FAM227B: variants seen among roughly 807,000 people sequenced by gnomAD.
The protein encoded by FAM227B is protein FAM227B.
Under a neutral mutation model 73.8 loss-of-function variants are expected in FAM227B, and 88 were observed. The ratio of observed to expected loss-of-function variants is 1.19; its 90% confidence interval spans 1.00 to 1.42. The LOEUF (loss-of-function observed/expected upper bound fraction) is 1.42, where lower values mean the gene tolerates loss of function less well. Among genes scored for constraint, FAM227B ranks in the 40% most tolerant of loss-of-function variants. FAM227B has a pLI of 0.00. For synonymous variants in FAM227B, 210 were observed against 190.5 expected (o/e 1.10, Z -0.84); for missense variants, 632 against 590.9 (o/e 1.07, Z -0.72).
In FAM227B at chr15:49,612,221, T is replaced by G. The variant is rs578012277; in HGVS notation, c.52-953A>C. Among the ~76,000 whole-genome samples the G allele has an allele frequency of 3.0e-4, 46 of 152,244 alleles. No homozygotes were observed. In the East Asian group the frequency reaches 8.7e-3, roughly 29 times the overall value. On this transcript the variant is annotated intron_variant, in intron 2 of 15. Transcript: ENST00000299338. The stretch of plus-strand genomic sequence containing the variant: ...CTCGTCATTTAACATTAGGTATATC[T>G]CCTAATGCTATCCCTCCCACCTGTC...
rs775068164 is a variant in FAM227B at position 49,328,052 on chromosome 15, G to A, written c.*516C>T. ...CAAGCTGCCCAGCTTTCTAGCAAAT[G>A]TGCACAAAGCTTATTACCAGAGGAG... On this transcript the variant is annotated 3_prime_UTR_variant, in exon 16 of 16. Coordinates refer to ENST00000299338, the MANE Select transcript of FAM227B (RefSeq NM_152647.3). 12 of 1,614,064 alleles carry A rather than the reference G, an allele frequency of 7.4e-6. No individual in the cohort carries two copies. In the South Asian group the frequency reaches 1.2e-4, roughly 16 times the overall value.
intron 11 of FAM227B, among the ~76,000 whole-genome samples, chr15:49,489,841 T>TTTATATATATATATATTA (rs2056828498): frequency 4.3e-5 from 1 of 22,998 alleles, no homozygotes; most frequent in African/African-American, 1.7e-4. Flanking sequence ...TATATATATT[T>TTTATATATATATATATTA]TATATATATA....
intron 2 of FAM227B, among the ~76,000 whole-genome samples, chr15:49,613,212 C>T (rs890141576): frequency 6.6e-6 from 1 of 151,894 alleles, no homozygotes; most frequent in Non-Finnish European, 1.5e-5. Context: ...AAAGGTAAAA[C>T]AAAACAAAAC....
rs562757111 is a variant in FAM227B, at chr15:49,386,271, TA to T, written c.1013-14873del. On this transcript the variant is annotated intron_variant, in intron 11 of 15. Transcript: ENST00000299338. Reference sequence around the variant, plus strand: ...GGCCATAAAACAAATCTCAATAAATTAAAAAAAAAAATCAAAATTATATCAA... The same window carrying T: ...GGCCATAAAACAAATCTCAATAAATTAAAAAAAAAATCAAAATTATATCAA... 5.4e-3 allele frequency among the ~76,000 whole-genome samples: 781 copies of T among 145,296 alleles called. 4 individuals carry two copies. Among genetic ancestry groups the T allele is most frequent in the South Asian group, 7.2e-3 (33 of 4,612 alleles).
At chr15:49,479,982 CAA>C (rs2152006329) in intron 11 of FAM227B, among the ~76,000 whole-genome samples, 1 of 152,202 alleles carries the variant, frequency 6.6e-6, no homozygotes, top group South Asian at 2.1e-4. Context: ...TGCAAGTGAA[CAA>C]AAGAGTGATA....
At chr15:49,396,764 C>G (rs1416357280) in intron 11 of FAM227B, among the ~76,000 whole-genome samples, 3 of 146,664 alleles carry the variant, frequency 2.0e-5, no homozygotes, top group Non-Finnish European at 4.6e-5. Flanking sequence ...CAGGGTACTC[C>G]AACAGACCTG....
intron 10 of FAM227B, among the ~76,000 whole-genome samples, chr15:49,518,177 G>A (rs1464773537): frequency 1.3e-5 from 2 of 152,128 alleles, no homozygotes; most frequent in African/African-American, 4.8e-5. Context: ...TGTGACAAAA[G>A]TATGCATATG....
chr15:49,341,190 G>T (rs1466586507), intron 13 of FAM227B, among the ~76,000 whole-genome samples: 1 of 152,044 alleles, frequency 6.6e-6, no homozygotes, highest in Non-Finnish European at 1.5e-5. Context: ...TTTGAAGTTG[G>T]GTAATATGAT....
intron 11 of FAM227B, among the ~76,000 whole-genome samples, chr15:49,474,542 C>A (rs1286161424): frequency 6.6e-6 from 1 of 151,934 alleles, no homozygotes; most frequent in Non-Finnish European, 1.5e-5. Flanking sequence ...AAAAGAGAGG[C>A]ATCAGTAAAA....
intron 9 of FAM227B, among the ~76,000 whole-genome samples, chr15:49,543,832 T>A (rs183747625): frequency 6.6e-6 from 1 of 152,290 alleles, no homozygotes; most frequent in Admixed American, 6.5e-5. Context: ...TATTTCAGTG[T>A]TTTCTATGCT....
At chr15:49,508,164 A>AT (rs1297075773) in intron 11 of FAM227B, 47 bp downstream of exon 11, 2 of 1,557,576 alleles carry the variant, frequency 1.3e-6, no homozygotes, top group Non-Finnish European at 8.7e-7. Flanking sequence ...AAATTAATTG[A>AT]TTTTTGCTAC....
intron 7 of FAM227B, 83 bp downstream of exon 7, chr15:49,576,658 T>C: frequency 1.2e-6 from 1 of 823,806 alleles, no homozygotes; most frequent in Non-Finnish European, 1.9e-6. Flanking sequence ...AACACCTAAT[T>C]TATCATAGCT....
chr15:49,529,982 G>A (rs1484609535), intron 10 of FAM227B, among the ~76,000 whole-genome samples: 2 of 151,656 alleles, frequency 1.3e-5, no homozygotes, highest in African/African-American at 4.8e-5. Context: ...CCATGGCACA[G>A]ATGCACCATA....
intron 9 of FAM227B, among the ~76,000 whole-genome samples, chr15:49,551,055 G>A (rs996743613): frequency 5.9e-5 from 9 of 152,246 alleles, no homozygotes; most frequent in Non-Finnish European, 1.2e-4. Context: ...CGAGGCTGGC[G>A]GATCACTCGC....
intron 3 of FAM227B, among the ~76,000 whole-genome samples, chr15:49,610,839 A>C (rs2153330599): frequency 6.6e-6 from 1 of 152,318 alleles, no homozygotes; most frequent in East Asian, 1.9e-4. Context: ...ATAATCAAGG[A>C]ATATTGATGT....
At chr15:49,379,343 C>T (rs1408137286) in intron 11 of FAM227B, among the ~76,000 whole-genome samples, 3 of 152,120 alleles carry the variant, frequency 2.0e-5, no homozygotes, top group Non-Finnish European at 4.4e-5. Context: ...AGTATTCCCT[C>T]CTTCTCTAGT....
At chr15:49,444,490 A>C (rs1268656780) in intron 11 of FAM227B, among the ~76,000 whole-genome samples, 1 of 151,774 alleles carries the variant, frequency 6.6e-6, no homozygotes, top group Non-Finnish European at 1.5e-5. Flanking sequence ...ATAACATTGA[A>C]ATTATCTGCT....
chr15:49,547,739 T>G (rs1192998191), intron 9 of FAM227B, among the ~76,000 whole-genome samples: 1 of 152,228 alleles, frequency 6.6e-6, no homozygotes, highest in Non-Finnish European at 1.5e-5. Flanking sequence ...GACATTTATA[T>G]AATGATAAAG....
At chr15:49,599,268 C>T (rs1419019941) in intron 3 of FAM227B, among the ~76,000 whole-genome samples, 1 of 151,902 alleles carries the variant, frequency 6.6e-6, no homozygotes, top group Non-Finnish European at 1.5e-5. Context: ...ATTTATATTT[C>T]TGTGGTATCA....
Sources: allele counts gnomAD v4.1 joint callset (sites outside exome capture counted in the v4.1 genomes callset), GRCh38; gene constraint gnomAD v4.1.1; transcripts MANE v1.5; gene names NCBI Gene and HGNC (gene_info 2026-07-23, HGNC 2026-07-21).